The following CD2AP variants were observed in gnomAD, a reference collection of about 807,000 sequenced individuals.
CD2AP encodes the protein CD2 associated protein, also known as CD2-associated protein.
A neutral mutation model predicts 85.1 loss-of-function variants in CD2AP; 46 were observed. The ratio of observed to expected loss-of-function variants is 0.54; its 90% CI spans 0.43 to 0.69. CD2AP has a LOEUF of 0.69. Ranked by LOEUF, CD2AP falls within the 30% of genes least tolerant of loss-of-function variation. The pLI, the probability that CD2AP is intolerant of heterozygous loss-of-function variation, is 0.00. For missense variants in CD2AP, 769 were observed against 729.5 expected (o/e 1.05, Z -0.62); for synonymous variants, 255 against 252.9 (o/e 1.01, Z -0.08).
intron 17 of CD2AP, among the ~76,000 whole-genome samples, chr6:47,614,019 A>G (rs2114156020): frequency 6.6e-6 from 1 of 152,328 alleles, no homozygotes; most frequent in East Asian, 1.9e-4. Flanking sequence ...TGGGCCTTCA[A>G]AGAATTGAAG....
At chr6:47,498,451 C>T (rs930787037) in intron 1 of CD2AP, among the ~76,000 whole-genome samples, 3 of 152,056 alleles carry the variant, frequency 2.0e-5, no homozygotes, top group Non-Finnish European at 2.9e-5. Context: ...TTCTCACAGA[C>T]CTGTTTCCAT....
At chr6:47,570,495 G>A (rs1416884225) in intron 5 of CD2AP, among the ~76,000 whole-genome samples, 1 of 151,248 alleles carries the variant, frequency 6.6e-6, no homozygotes, top group East Asian at 2.0e-4. Context: ...CCTCCTGCAT[G>A]CCCTTTTTCC....
chr6:47,609,529 A>G (rs76237917), intron 16 of CD2AP: 2 of 347,014 alleles, frequency 5.8e-6, no homozygotes, highest in Admixed American at 4.6e-5. Context: ...AAAAAAAAAA[A>G]AAGAAAAGAA....
intron 1 of CD2AP, among the ~76,000 whole-genome samples, chr6:47,481,647 C>T (rs1416591657): frequency 2.0e-5 from 3 of 151,272 alleles, no homozygotes; most frequent in Non-Finnish European, 4.4e-5. Context: ...CACCTGGCCT[C>T]GTGGTGGTTT....
At chr6:47,591,527 C>T (rs1216112879) in intron 11 of CD2AP, among the ~76,000 whole-genome samples, 1 of 152,072 alleles carries the variant, frequency 6.6e-6, no homozygotes, top group African/African-American at 2.4e-5. Context: ...TAAGGCATCT[C>T]CAAGTGATCA....
chr6:47,579,605 G>T, intron 9 of CD2AP, 116 bp downstream of exon 9: 1 of 694,710 alleles, frequency 1.4e-6, no homozygotes. Context: ...AGTTTCAGAT[G>T]TAGCTATTCA....
At chr6:47,621,264 A>G (rs1769736389) in intron 17 of CD2AP, among the ~76,000 whole-genome samples, 1 of 152,114 alleles carries the variant, frequency 6.6e-6, no homozygotes, top group Non-Finnish European at 1.5e-5. Context: ...GGGATGCTGG[A>G]TGTTGTCGAA....
intron 11 of CD2AP, among the ~76,000 whole-genome samples, chr6:47,590,842 A>G (rs78292005): frequency 0.011 from 1,619 of 152,298 alleles, 13 homozygotes; most frequent in Middle Eastern, 0.044. Flanking sequence ...CACAAAACCA[A>G]GAATACTATG....
intron 5 of CD2AP, among the ~76,000 whole-genome samples, chr6:47,568,930 C>T (rs1246124426): frequency 6.6e-6 from 1 of 151,950 alleles, no homozygotes; most frequent in African/African-American, 2.4e-5. Context: ...AGAAAGAAAC[C>T]TATGAGAGTG....
chr6:47,479,743 G>A (rs1475712762), intron 1 of CD2AP, among the ~76,000 whole-genome samples: 1 of 152,132 alleles, frequency 6.6e-6, no homozygotes, highest in East Asian at 1.9e-4. Context: ...ACCTGGGGAT[G>A]CAGTCTTGTT....
In CD2AP at chr6:47,574,192, T is replaced by C. The variant is rs1582577489; in HGVS notation, c.670T>C (p.Ser224Pro). Residue 224 changes from serine to proline, a missense_variant, in exon 6 of 18, where the codon TCT (serine) becomes CCT (proline). Ser to Pro is a moderately conservative substitution (Grantham distance 74). Transcript: ENST00000359314. Reference protein sequence around the residue: ...IGFGDIFKEGSVKLRTRTSSS... With the variant: ...IGFGDIFKEGPVKLRTRTSSS... ...ATTTGGAGACATTTTTAAAGAAGGC[T>C]CTGTGAAACTTCGGACAAGAACATC... 1 of 1,614,048 alleles carries C rather than the reference T, an allele frequency of 6.2e-7. No homozygotes were observed. The highest frequency in any genetic ancestry group is 8.5e-7 in the Non-Finnish European group (1 of 1,179,964).
intron 5 of CD2AP, among the ~76,000 whole-genome samples, chr6:47,557,841 GT>G (rs960391258): frequency 1.6e-4 from 24 of 152,152 alleles, no homozygotes; most frequent in African/African-American, 4.8e-4. Flanking sequence ...ACATAAAGTA[GT>G]TTTTTTCTAA....
chr6:47,619,506 G>T (rs1206933631), intron 17 of CD2AP, among the ~76,000 whole-genome samples: 2 of 152,164 alleles, frequency 1.3e-5, no homozygotes, highest in African/African-American at 2.4e-5. Context: ...TTTTGCTGTT[G>T]TGAGTCTTGC....
In CD2AP at chr6:47,489,422, C is replaced by T. The variant is rs554334399; in HGVS notation, c.4+11174C>T. 3.9e-5 allele frequency among the ~76,000 whole-genome samples: 6 copies of T among 152,082 alleles called. No individual in the cohort carries two copies. In the South Asian group the frequency reaches 1.0e-3, roughly 26 times the overall value. On this transcript the variant is annotated intron_variant, in intron 1 of 17. Coordinates refer to ENST00000359314, the MANE Select transcript of CD2AP (RefSeq NM_012120.3). ...AACTCCTGACCTCAGGTGATCTGCC[C>T]GCCTCGGCCTCCCAAAGTGCTGGGA...
chr6:47,598,860 T>G (rs1258209019), intron 12 of CD2AP, among the ~76,000 whole-genome samples: 2 of 150,242 alleles, frequency 1.3e-5, no homozygotes, highest in Admixed American at 6.7e-5. Context: ...AAAGAGCTTA[T>G]TCATGTAACC....
chr6:47,502,547 G>A (rs1766023483), intron 1 of CD2AP, among the ~76,000 whole-genome samples: 1 of 149,062 alleles, frequency 6.7e-6, no homozygotes, highest in African/African-American at 2.5e-5. Flanking sequence ...AGCCTGGAGT[G>A]CAGTAGCACG....
chr6:47,495,712 C>T (rs1442024760), intron 1 of CD2AP, among the ~76,000 whole-genome samples: 2 of 152,118 alleles, frequency 1.3e-5, no homozygotes, highest in African/African-American at 4.8e-5. Flanking sequence ...TTGGTTTAGC[C>T]TTTTTCTTGT....
In CD2AP at chr6:47,521,678, A is replaced by T. The variant is rs571419637; in HGVS notation, c.166-11924A>T. ...TTTGCATTCAGCAAAAAGCTAATAA[A>T]CGTAGTTGATACCCTTTAAGTTATG... On this transcript the variant is annotated intron_variant, in intron 2 of 17. Coordinates refer to ENST00000359314, the MANE Select transcript of CD2AP (RefSeq NM_012120.3). Among the ~76,000 whole-genome samples, 9 of 152,326 alleles carry T rather than the reference A, an allele frequency of 5.9e-5. No individual in the cohort carries two copies. In the East Asian group the frequency reaches 1.7e-3, roughly 29 times the overall value.
chr6:47,592,028 G>A (rs1248676257), intron 11 of CD2AP, among the ~76,000 whole-genome samples: 1 of 151,924 alleles, frequency 6.6e-6, no homozygotes, highest in South Asian at 2.1e-4. Context: ...AGATATGGGG[G>A]TATTGATTTG....
Sources: gnomAD v4.1 joint callset for allele counts (sites outside exome capture counted in the v4.1 genomes callset) on GRCh38, gnomAD v4.1.1 for gene constraint, MANE v1.5 for transcripts, NCBI Gene and HGNC (gene_info 2026-07-23, HGNC 2026-07-21) for gene names.